The following VPS8 variants were observed in gnomAD, a reference collection of about 807,000 sequenced individuals.
The protein encoded by VPS8 is vacuolar protein sorting-associated protein 8 homolog.
Under a neutral mutation model 216.4 loss-of-function variants are expected in VPS8, and 129 were observed. That is an observed-to-expected ratio of 0.60 (90% CI 0.52 to 0.69). The LOEUF (loss-of-function observed/expected upper bound fraction) is 0.69. Among genes scored for constraint, VPS8 ranks in the 30% least tolerant of loss-of-function variants. The pLI is 0.00. For synonymous variants in VPS8, 571 were observed against 565.4 expected, an observed-to-expected ratio of 1.01 and a Z score of -0.14; for missense variants, 1,531 against 1,683.5, an observed-to-expected ratio of 0.91 and a Z score of 1.59.
At chr3:184,863,245 A>G (rs947247316) in intron 16 of VPS8, among the ~76,000 whole-genome samples, 178 bp downstream of exon 16, 2 of 152,226 alleles carry the variant, frequency 1.3e-5, no homozygotes, top group Non-Finnish European at 1.5e-5. Flanking sequence ...TTGGGAATAC[A>G]AGCTAAAACA....
intron 10 of VPS8, among the ~76,000 whole-genome samples, chr3:184,850,311 C>G (rs1480744487): frequency 2.0e-5 from 3 of 152,168 alleles, no homozygotes; most frequent in Non-Finnish European, 4.4e-5. Context: ...TGGTGTGTTG[C>G]TAGACTAGAG....
intron 36 of VPS8, among the ~76,000 whole-genome samples, chr3:184,941,014 C>T (rs892863787): frequency 4.6e-5 from 7 of 152,168 alleles, no homozygotes; most frequent in African/African-American, 1.7e-4. Flanking sequence ...TTTTGATGCA[C>T]ACCTAGAGTT....
At chr3:184,889,239 C>A (rs894949315) in intron 22 of VPS8, among the ~76,000 whole-genome samples, 2 of 152,032 alleles carry the variant, frequency 1.3e-5, no homozygotes, top group Non-Finnish European at 2.9e-5. Context: ...CAACTTCTTT[C>A]CTATAATTTT....
At chr3:184,881,555 C>T (rs2108840646) in intron 21 of VPS8, among the ~76,000 whole-genome samples, 1 of 152,222 alleles carries the variant, frequency 6.6e-6, no homozygotes, top group South Asian at 2.1e-4. Flanking sequence ...ATAACTGTAG[C>T]TGTGTAAGTC....
At chr3:184,965,120 T>C (rs1747177512) in intron 38 of VPS8, among the ~76,000 whole-genome samples, 1 of 152,210 alleles carries the variant, frequency 6.6e-6, no homozygotes, top group African/African-American at 2.4e-5. Flanking sequence ...ATAGTAGCCA[T>C]CCTGATGGGT....
chr3:185,010,906 A>G (rs1577148106), intron 45 of VPS8, among the ~76,000 whole-genome samples: 1 of 152,198 alleles, frequency 6.6e-6, no homozygotes, highest in East Asian at 1.9e-4. Flanking sequence ...AGCTGAGGCA[A>G]GAAGGTCACT....
chr3:184,880,993 C>G (rs761630731), intron 21 of VPS8, among the ~76,000 whole-genome samples: 11 of 152,138 alleles, frequency 7.2e-5, no homozygotes, highest in East Asian at 1.9e-4. Context: ...GGTTTTGCCT[C>G]TCTTCTAACT....
chr3:184,993,198 A>G (rs1752142058), intron 42 of VPS8, among the ~76,000 whole-genome samples: 1 of 152,110 alleles, frequency 6.6e-6, no homozygotes, highest in African/African-American at 2.4e-5. Context: ...AAAATACTCA[A>G]ATTTTATACA....
intron 28 of VPS8, chr3:184,919,037 G>A (rs1197740859): frequency 2.0e-5 from 3 of 152,128 alleles, no homozygotes; most frequent in Non-Finnish European, 4.4e-5. Flanking sequence ...AAAAAAAGTT[G>A]AGAATATTTT....
intron 10 of VPS8, among the ~76,000 whole-genome samples, chr3:184,851,808 G>C (rs1724327136): frequency 6.6e-6 from 1 of 152,172 alleles, no homozygotes; most frequent in Admixed American, 6.5e-5. Flanking sequence ...TGAGTTTAGG[G>C]AGGATAGTCA....
Position 184,994,036 on chromosome 3 carries a change from A to C in VPS8, c.3639A>C (p.Gly1213=). The C allele has an allele frequency of 6.4e-7, 1 of 1,570,138 alleles. No individual in the cohort carries two copies. Among genetic ancestry groups the C allele is most frequent in the Non-Finnish European group, 8.6e-7 (1 of 1,157,872 alleles). ...KLGEIQGLIL[G]MLDTFNYEQT... ...GAGAAATCCAGGGACTTATCTTGGG[A>C]ATGTTAGATACCTTTAACTATGAAC... Residue 1213 remains glycine (G), a synonymous_variant, in exon 43 of 48, where the codon GGA becomes GGC. Transcript: ENST00000625842.
At chr3:184,997,014 C>T (rs758339684) in intron 44 of VPS8, among the ~76,000 whole-genome samples, 109 of 152,142 alleles carry the variant, frequency 7.2e-4, no homozygotes, top group Non-Finnish European at 1.2e-3. Context: ...TTGTCTTGCA[C>T]GTGTTAGGTT....
chr3:184,927,590 G>GT (rs112843941), intron 31 of VPS8, among the ~76,000 whole-genome samples: 6,818 of 152,142 alleles, frequency 0.045, 183 homozygotes, highest in Non-Finnish European at 0.063. Flanking sequence ...TAAAATAGAC[G>GT]TAACACATAA....
chr3:184,812,700 C>T (rs1262261474), intron 1 of VPS8: 1 of 152,250 alleles, frequency 6.6e-6, no homozygotes, highest in Non-Finnish European at 1.5e-5. Context: ...AGTCGTGCGG[C>T]AATTAGGCTG....
intron 45 of VPS8, among the ~76,000 whole-genome samples, chr3:185,014,097 AG>A (rs1189926329): frequency 6.6e-6 from 1 of 152,204 alleles, no homozygotes; most frequent in East Asian, 1.9e-4. Flanking sequence ...CATTATTGCC[AG>A]CCAAAATGGA....
chr3:184,936,257 C>G lies in VPS8; in HGVS notation c.2910C>G (p.Ser970=), dbSNP rs1230594215. 1.9e-6 allele frequency: 3 copies of G among 1,608,684 alleles called. No individual in the cohort carries two copies. The highest frequency in any genetic ancestry group is 2.5e-6 in the Non-Finnish European group (3 of 1,177,542). The change falls in exon 35 of 48, where the codon TCC becomes TCG. Residue 970 remains serine (S), a synonymous_variant. Transcript: ENST00000625842. ...TCCTTTAACTCCAGGAACTCGTGTC[C>G]CTGAAGCCTTGTAAAGCTGCGGAGC... The part of the protein sequence containing the change: ...KAMDHIEELV[S]LKPCKAAELV...
At chr3:185,042,069 C>G (rs1711769024) in intron 46 of VPS8, among the ~76,000 whole-genome samples, 1 of 152,148 alleles carries the variant, frequency 6.6e-6, no homozygotes, top group African/African-American at 2.4e-5. Flanking sequence ...TAGGTGTGTT[C>G]TAGTTAGAAT....
At chr3:185,016,391 T>C (rs1292099804) in intron 45 of VPS8, among the ~76,000 whole-genome samples, 1 of 152,226 alleles carries the variant, frequency 6.6e-6, no homozygotes, top group Non-Finnish European at 1.5e-5. Context: ...ATCCATATAA[T>C]GAATAATGTA....
chr3:185,017,013 A>G (rs1291215221), intron 45 of VPS8, among the ~76,000 whole-genome samples: 1 of 151,872 alleles, frequency 6.6e-6, no homozygotes. Context: ...ATTTTTTCCT[A>G]GTCTCATACC....
Sources: gnomAD v4.1 joint callset for allele counts (sites outside exome capture counted in the v4.1 genomes callset) on GRCh38, gnomAD v4.1.1 for gene constraint, MANE v1.5 for transcripts, NCBI Gene and HGNC (gene_info 2026-07-23, HGNC 2026-07-21) for gene names.